BCL7C: variants seen among roughly 807,000 people sequenced by gnomAD.
BCL7C encodes B-cell CLL/lymphoma 7 protein family member C.
Under a neutral mutation model 26.2 loss-of-function variants are expected in BCL7C, and 8 were observed. The ratio of observed to expected loss-of-function variants is 0.30; its 90% CI spans 0.18 to 0.55. BCL7C has a LOEUF of 0.55. Among genes scored for constraint, BCL7C ranks in the 20% least tolerant of loss-of-function variants. The pLI, the probability that BCL7C is intolerant of heterozygous loss-of-function variation, is 0.93. For synonymous variants in BCL7C, 90 were observed against 116.5 expected (o/e 0.77, Z 1.47); for missense variants, 262 against 298.5 (o/e 0.88, Z 0.90).
chr16:30,843,950 G>A (rs2054617789), intron 5 of BCL7C, among the ~76,000 whole-genome samples: 1 of 149,928 alleles, frequency 6.7e-6, no homozygotes, highest in South Asian at 2.1e-4. Context: ...TGCTTGGCAG[G>A]AGAATCTCTT....
In BCL7C at chr16:30,892,912, G is replaced by A. The variant is rs188345023; in HGVS notation, c.208C>T (p.Arg70Cys). ...RRAGGGAERSRGRERRGRGAS... is the reference protein window; with the variant it reads ...RRAGGGAERSCGRERRGRGAS... ...CCCCTGCCCCGACGTTCCCGGCCAC[G>A]GGATCTCTCTGCCCCGCCACCTGCC... Residue 70 changes from arginine to cysteine, a missense_variant, in exon 3 of 6, where the codon CGT (arginine) becomes TGT (cysteine). Transcript: ENST00000215115. The A allele has an allele frequency of 6.2e-6, 10 of 1,613,040 alleles. No homozygotes were observed. The highest frequency in any genetic ancestry group is 2.2e-5 in the East Asian group (1 of 44,872).
At chr16:30,865,265 G>A (rs2054815682) in intron 5 of BCL7C, among the ~76,000 whole-genome samples, 1 of 150,832 alleles carries the variant, frequency 6.6e-6, no homozygotes, top group Non-Finnish European at 1.5e-5. Flanking sequence ...AAGAACTAAT[G>A]ATAATCCTAC....
intron 5 of BCL7C, among the ~76,000 whole-genome samples, chr16:30,847,980 G>C (rs1051137278): frequency 5.9e-5 from 9 of 151,836 alleles, no homozygotes; most frequent in African/African-American, 2.2e-4. Flanking sequence ...CCAGTGAGGG[G>C]AGAATGTGAT....
At chr16:30,863,568 C>T (rs989567002) in intron 5 of BCL7C, among the ~76,000 whole-genome samples, 11 of 152,192 alleles carry the variant, frequency 7.2e-5, no homozygotes, top group African/African-American at 2.2e-4. Context: ...CTCAGGGCAA[C>T]GCTTATGCTG....
chr16:30,874,557 T>A (rs1259647842), intron 5 of BCL7C, among the ~76,000 whole-genome samples: 2 of 151,856 alleles, frequency 1.3e-5, no homozygotes, highest in African/African-American at 2.4e-5. Context: ...AGGTCGAAGC[T>A]GCAGTGAGCG....
At chr16:30,892,386 C>T (rs1383538599) in intron 4 of BCL7C, among the ~76,000 whole-genome samples, 200 bp downstream of exon 4, 1 of 148,946 alleles carries the variant, frequency 6.7e-6, no homozygotes, top group Admixed American at 6.7e-5. Context: ...ACATGAAAAT[C>T]TCAGACAGTG....
At chr16:30,857,602 A>T (rs2054733991) in intron 5 of BCL7C, among the ~76,000 whole-genome samples, 1 of 152,044 alleles carries the variant, frequency 6.6e-6, no homozygotes, top group African/African-American at 2.4e-5. Context: ...GGGAGAGAAG[A>T]ATGGGAGCAG....
intron 5 of BCL7C, among the ~76,000 whole-genome samples, chr16:30,873,677 C>A (rs1232150535): frequency 6.6e-6 from 1 of 151,404 alleles, no homozygotes; most frequent in African/African-American, 2.4e-5. Flanking sequence ...ATAGCAAAAC[C>A]CTGTCTCTAC....
chr16:30,883,023 G>C (rs1464432844), downstream of BCL7C, among the ~76,000 whole-genome samples: 1 of 152,166 alleles, frequency 6.6e-6, no homozygotes, highest in African/African-American at 2.4e-5. Flanking sequence ...GGCTCCTGGA[G>C]TCTGGAGGTG....
At position 30,862,815 on chromosome 16, in the gene BCL7C, T is replaced by C. The variant is rs567662986; in HGVS notation, c.528+26045A>G. On this transcript the variant is annotated intron_variant, in intron 5 of 5. Transcript: ENST00000380317. ...TTGCCATCCTAACTAAATCATTATA[T>C]AAACTCACAAAAGGAAACCTAGCTG... is the stretch of plus-strand genomic sequence containing the variant. 7.2e-5 allele frequency among the ~76,000 whole-genome samples: 11 copies of C among 152,258 alleles called. No homozygotes were observed. The South Asian group carries it at 1.9e-3, about 26-fold the overall frequency.
chr16:30,887,476 C>CAAAAA (rs397854743), downstream of BCL7C, among the ~76,000 whole-genome samples: 2 of 75,774 alleles, frequency 2.6e-5, no homozygotes, highest in African/African-American at 5.7e-5. Context: ...GTCTGTGTCT[C>CAAAAA]AAAAAAAAAA....
At chr16:30,853,957 C>T (rs1018099788) in intron 5 of BCL7C, among the ~76,000 whole-genome samples, 1 of 152,196 alleles carries the variant, frequency 6.6e-6, no homozygotes, top group Non-Finnish European at 1.5e-5. Context: ...TGAGTGTCTT[C>T]CTCCAGATGG....
At chr16:30,874,698 G>A (rs2054920458) in intron 5 of BCL7C, among the ~76,000 whole-genome samples, 1 of 152,144 alleles carries the variant, frequency 6.6e-6, no homozygotes, top group Non-Finnish European at 1.5e-5. Flanking sequence ...AACTTGGTCG[G>A]GTCTCTGAAC....
rs1160375944 is a variant in BCL7C, at chr16:30,837,179, A to G, written c.529-2031T>C. On this transcript the variant is annotated intron_variant, in intron 5 of 5. Coordinates refer to the BCL7C transcript ENST00000380317. ...CTACTGACACTTATGTATATCCTTA[A>G]TGCCCAGTTGTTGGTGCCTAATAGT... Among the ~76,000 whole-genome samples the G allele has an allele frequency of 2.6e-5, 4 of 152,142 alleles. No individual in the cohort carries two copies. In the South Asian group the frequency reaches 6.2e-4, roughly 24 times the overall value.
chr16:30,851,006 CA>C (rs928197714), intron 5 of BCL7C, among the ~76,000 whole-genome samples: 5 of 152,168 alleles, frequency 3.3e-5, no homozygotes, highest in Admixed American at 2.6e-4. Context: ...ATTTATTAAT[CA>C]AAATAGGAAC....
At chr16:30,847,085 T>G (rs1052360129) in intron 5 of BCL7C, among the ~76,000 whole-genome samples, 1 of 152,230 alleles carries the variant, frequency 6.6e-6, no homozygotes, top group Non-Finnish European at 1.5e-5. Context: ...AGAATCAGAA[T>G]GCTTCCATGA....
chr16:30,882,078 A>G (rs2055052760), intron 5 of BCL7C, among the ~76,000 whole-genome samples: 1 of 151,612 alleles, frequency 6.6e-6, no homozygotes, highest in African/African-American at 2.4e-5. Context: ...CTCCCATCTC[A>G]GCCTCCCGAG....
chr16:30,873,324 A>G (rs185202421), intron 5 of BCL7C, among the ~76,000 whole-genome samples: 16 of 152,204 alleles, frequency 1.1e-4, no homozygotes, highest in Non-Finnish European at 1.6e-4. Flanking sequence ...AATCAACTCT[A>G]TAGAGACAGA....
intron 5 of BCL7C, among the ~76,000 whole-genome samples, chr16:30,881,069 A>G (rs1229216231): frequency 1.3e-5 from 2 of 152,118 alleles, no homozygotes; most frequent in Non-Finnish European, 2.9e-5. Flanking sequence ...GACGGGGGAA[A>G]AAACCTGTGA....
Sources: allele counts gnomAD v4.1 joint callset (sites outside exome capture counted in the v4.1 genomes callset), GRCh38; gene constraint gnomAD v4.1.1; transcripts MANE v1.5; gene names NCBI Gene and HGNC (gene_info 2026-07-23, HGNC 2026-07-21).